Variants in VPS35L observed in about 807,000 individuals in gnomAD.
The protein encoded by VPS35L is VPS35 endosomal protein sorting factor like.
Under a neutral mutation model 133.0 loss-of-function variants are expected in VPS35L, and 83 were observed. The observed-to-expected ratio is 0.62, with a 90% CI of 0.52 to 0.75. VPS35L has a LOEUF of 0.75. Ranked by LOEUF, VPS35L falls within the 30% of genes least tolerant of loss-of-function variation. VPS35L has a pLI of 0.00. For synonymous variants in VPS35L, 423 were observed against 449.9 expected (o/e 0.94, Z 0.76); for missense variants, 1,083 against 1,206.8 (o/e 0.90, Z 1.52).
At chr16:19,698,263 A>G (rs1975985179) in intron 29 of VPS35L, among the ~76,000 whole-genome samples, 1 of 152,124 alleles carries the variant, frequency 6.6e-6, no homozygotes, top group South Asian at 2.1e-4. Flanking sequence ...AGCTTCTAGA[A>G]GCTGTCTGTG....
chr16:19,658,874 T>C (rs1056319075), intron 26 of VPS35L, among the ~76,000 whole-genome samples: 6 of 152,144 alleles, frequency 3.9e-5, no homozygotes, highest in African/African-American at 1.2e-4. Flanking sequence ...AGGTCTGAAC[T>C]CCTGGCAAAA....
rs1417277483 is a variant in VPS35L at position 19,699,648 on chromosome 16, G to A, written c.2793G>A (p.Met931Ile). 1.2e-6 allele frequency: 2 copies of A among 1,613,404 alleles called. No individual in the cohort carries two copies. Among genetic ancestry groups the A allele is most frequent in the East Asian group, 2.2e-5 (1 of 44,862 alleles). Residue 931 changes from methionine to isoleucine, a missense_variant and splice_region_variant, in exon 30 of 31, where the codon ATG becomes ATA. By Grantham distance (10) the Met-to-Ile change is conservative. Transcript: ENST00000417362. This position sits in a 1 kb window ranked among gnomAD's most constrained non-coding sequence, Gnocchi z 4.2. ...QRHGCADTRT[M>I]VKTLEYIKKQ... ...ACGGCTGTGCAGACACCAGGACCATGGTGAGGCGCTCGGAGGGCCCCGTGG... is the reference window on the plus strand; with the variant it reads ...ACGGCTGTGCAGACACCAGGACCATAGTGAGGCGCTCGGAGGGCCCCGTGG...
chr16:19,607,497 A>T lies in VPS35L; in HGVS notation c.785-681A>T, dbSNP rs73535611. Among the ~76,000 whole-genome samples, 798 of 152,332 alleles carry T rather than the reference A, an allele frequency of 5.2e-3. 9 individuals carry two copies. The highest frequency in any genetic ancestry group is 0.019 in the African/African-American group (780 of 41,576). On this transcript the variant is annotated intron_variant, in intron 9 of 30. Coordinates refer to ENST00000417362, the MANE Select transcript of VPS35L (RefSeq NM_020314.7). The stretch of plus-strand genomic sequence containing the variant: ...GGATGGCCCTGTGTCCTGCAGGAAA[A>T]TGCGAGTTCTTTTATTAAAGAGGAA...
In VPS35L at chr16:19,646,019, A is replaced by G. The variant is rs1297341820; in HGVS notation, c.1929+1070A>G. On this transcript the variant is annotated intron_variant, in intron 23 of 30. Coordinates refer to ENST00000417362, the MANE Select transcript of VPS35L (RefSeq NM_020314.7). ...GGTTTCCAACTCCTGGTTTCAAACA[A>G]TCCTCCAGCCTTGGCCTCCCACAGT... Among the ~76,000 whole-genome samples the G allele has an allele frequency of 2.0e-5, 3 of 151,718 alleles. 1 individual carries two copies. Among genetic ancestry groups the G allele is most frequent in the Non-Finnish European group, 4.4e-5 (3 of 67,934 alleles).
intron 29 of VPS35L, among the ~76,000 whole-genome samples, chr16:19,693,500 G>T (rs1270859622): frequency 6.6e-6 from 1 of 152,054 alleles, no homozygotes; most frequent in Non-Finnish European, 1.5e-5. Flanking sequence ...TAAAAATTAG[G>T]CCAGGTACGG....
intron 28 of VPS35L, 115 bp downstream of exon 28, chr16:19,682,505 T>G: frequency 8.5e-7 from 1 of 1,177,740 alleles, no homozygotes; most frequent in Admixed American, 2.4e-5. Context: ...TTCCATGAAC[T>G]TCTAGTCCAG....
chr16:19,660,884 T>C (rs1974460435), intron 26 of VPS35L, among the ~76,000 whole-genome samples: 1 of 152,148 alleles, frequency 6.6e-6, no homozygotes, highest in African/African-American at 2.4e-5. Context: ...TAAAAAGCCC[T>C]GAGATAAAAG....
At chr16:19,567,802 C>T (rs930301713) in intron 2 of VPS35L, among the ~76,000 whole-genome samples, 5 of 152,004 alleles carry the variant, frequency 3.3e-5, no homozygotes, top group Admixed American at 3.3e-4. Flanking sequence ...TACCCCACTT[C>T]TACAAAAAGT....
At chr16:19,570,866 TATATATATATATATATA>T (rs1971349787) in intron 3 of VPS35L, among the ~76,000 whole-genome samples, 2 of 88,078 alleles carry the variant, frequency 2.3e-5, no homozygotes, top group African/African-American at 1.2e-4. Context: ...TATATATATA[TATATATATATATATATA>T]TATATATTTT....
intron 1 of VPS35L, among the ~76,000 whole-genome samples, chr16:19,562,753 A>G (rs962009212): frequency 1.6e-4 from 25 of 151,802 alleles, no homozygotes; most frequent in Admixed American, 9.2e-4. Context: ...CCTCTCCTTC[A>G]GATTTTTTTT....
At chr16:19,594,798 T>G (rs1597340916) in intron 8 of VPS35L, among the ~76,000 whole-genome samples, 1 of 145,970 alleles carries the variant, frequency 6.9e-6, no homozygotes. Context: ...CAGAGTGGGG[T>G]GAGGGGGTGA....
At chr16:19,684,827 C>T (rs1450239304) in intron 28 of VPS35L, among the ~76,000 whole-genome samples, 1 of 152,144 alleles carries the variant, frequency 6.6e-6, no homozygotes, top group Admixed American at 6.6e-5. Context: ...GGGGCAGACG[C>T]AGGCGGATCA....
intron 9 of VPS35L, 133 bp from the exon 10 acceptor site, chr16:19,608,045 T>C: frequency 1.5e-6 from 1 of 667,624 alleles, no homozygotes; most frequent in South Asian, 1.8e-5. Context: ...TACTTCCTAA[T>C]AGTGATATTT....
At chr16:19,622,511 G>A (rs546820930) in intron 14 of VPS35L, among the ~76,000 whole-genome samples, 5 of 152,078 alleles carry the variant, frequency 3.3e-5, no homozygotes, top group African/African-American at 7.2e-5. Flanking sequence ...TGTGGAACCC[G>A]TGTATACTTG....
chr16:19,616,261 T>TGGAAAACCAACTG, intron 13 of VPS35L, 70 bp downstream of exon 13: 2 of 1,405,200 alleles, frequency 1.4e-6, no homozygotes, highest in Non-Finnish European at 2.0e-6. Context: ...AAAACCCAGT[T>TGGAAAACCAACTG]GGTTTTCCAA....
chr16:19,645,290 CTT>C (rs11337040), intron 23 of VPS35L, among the ~76,000 whole-genome samples: 51 of 128,438 alleles, frequency 4.0e-4, no homozygotes, highest in Non-Finnish European at 6.0e-4. Flanking sequence ...TGTCTTTTTT[CTT>C]TTTTTTTTTT....
intron 9 of VPS35L, among the ~76,000 whole-genome samples, chr16:19,602,401 G>A (rs576259126): frequency 6.6e-6 from 1 of 152,008 alleles, no homozygotes; most frequent in Non-Finnish European, 1.5e-5. Context: ...ACTTCCCTCC[G>A]CTCCTGCAGT....
intron 26 of VPS35L, among the ~76,000 whole-genome samples, chr16:19,661,066 TTA>T (rs67155417): frequency 0.27 from 40,039 of 148,250 alleles, 5,559 homozygotes; most frequent in Middle Eastern, 0.33. Context: ...ATCTATATTC[TTA>T]TATATATATA....
At chr16:19,667,500 G>A (rs1267875569) in intron 26 of VPS35L, among the ~76,000 whole-genome samples, 1 of 152,070 alleles carries the variant, frequency 6.6e-6, no homozygotes, top group Non-Finnish European at 1.5e-5. Flanking sequence ...TTAGGAGGCC[G>A]AGTCAGGCAG....
Sources: allele counts gnomAD v4.1 joint callset (sites outside exome capture counted in the v4.1 genomes callset), GRCh38; gene constraint gnomAD v4.1.1; non-coding constraint Gnocchi (gnomAD v3.1); transcripts MANE v1.5; gene names NCBI Gene and HGNC (gene_info 2026-07-23, HGNC 2026-07-21).